The following SNTG1 variants were observed in gnomAD, a reference collection of about 807,000 sequenced individuals.
SNTG1 encodes the protein gamma-1-syntrophin.
Under a neutral mutation model 74.7 loss-of-function variants are expected in SNTG1, and 39 were observed. The ratio of observed to expected loss-of-function variants is 0.52; its 90% CI spans 0.40 to 0.68. The LOEUF is 0.68. SNTG1 is among the 30% of genes least tolerant of loss of function. The pLI, the probability that SNTG1 is intolerant of heterozygous loss-of-function variation, is 0.00. For synonymous variants in SNTG1, 254 were observed against 217.1 expected (o/e 1.17, Z -1.49); for missense variants, 685 against 609.5 (o/e 1.12, Z -1.30).
chr8:50,521,782 T>C (rs1351368180), intron 9 of SNTG1, among the ~76,000 whole-genome samples: 1 of 152,154 alleles, frequency 6.6e-6, no homozygotes, highest in Non-Finnish European at 1.5e-5. Flanking sequence ...TCACCAAGAA[T>C]AGAGTCCATC....
intron 12 of SNTG1, among the ~76,000 whole-genome samples, chr8:50,584,405 C>G (rs1161734163): frequency 1.3e-5 from 2 of 152,098 alleles, no homozygotes; most frequent in Non-Finnish European, 2.9e-5. Context: ...GTTCCTATGT[C>G]TCCACATCCT....
At chr8:50,040,449 G>A (rs10112063) in intron 1 of SNTG1, among the ~76,000 whole-genome samples, 133,242 of 152,208 alleles carry the variant, frequency 0.88, 58,416 homozygotes, top group East Asian at 0.99. Flanking sequence ...TACTTAAACT[G>A]TATATCTTAA....
At chr8:50,631,564 A>G (rs1386766207) in intron 13 of SNTG1, among the ~76,000 whole-genome samples, 2 of 152,222 alleles carry the variant, frequency 1.3e-5, no homozygotes, top group African/African-American at 2.4e-5. Flanking sequence ...GGGGGTGATC[A>G]CATGTTATAT....
At chr8:50,074,509 C>A (rs1821650731) in intron 1 of SNTG1, among the ~76,000 whole-genome samples, 1 of 152,144 alleles carries the variant, frequency 6.6e-6, no homozygotes. Context: ...GATAGAGAAA[C>A]AGCTAGTTGT....
intron 9 of SNTG1, among the ~76,000 whole-genome samples, chr8:50,521,080 T>C (rs937269242): frequency 4.6e-5 from 7 of 152,174 alleles, no homozygotes; most frequent in Admixed American, 1.3e-4. Context: ...CACCATGGAA[T>C]ACTATGCAGC....
At chr8:50,116,475 G>C (rs1246593675) in intron 1 of SNTG1, among the ~76,000 whole-genome samples, 1 of 152,028 alleles carries the variant, frequency 6.6e-6, no homozygotes, top group East Asian at 1.9e-4. Flanking sequence ...AGGAATCCTT[G>C]ACTCTGTGTT....
chr8:50,502,930 A>G (rs759523930), intron 9 of SNTG1, 50 bp downstream of exon 9: 13 of 1,395,038 alleles, frequency 9.3e-6, no homozygotes, highest in Non-Finnish European at 1.3e-5. Flanking sequence ...TTATAGTTAC[A>G]TAATTATTAT....
intron 14 of SNTG1, among the ~76,000 whole-genome samples, chr8:50,657,402 AAAAG>A (rs2095189858): frequency 6.6e-6 from 1 of 152,200 alleles, no homozygotes; most frequent in Non-Finnish European, 1.5e-5. Context: ...AGTGAAATAA[AAAAG>A]AATAAACTGT....
intron 1 of SNTG1, among the ~76,000 whole-genome samples, chr8:49,948,655 G>A (rs1206316379): frequency 2.0e-5 from 3 of 152,074 alleles, no homozygotes; most frequent in African/African-American, 7.3e-5. Context: ...ATTTTCTTTG[G>A]TGCAAAATAT....
chr8:50,082,001 G>A (rs919910964), intron 1 of SNTG1, among the ~76,000 whole-genome samples: 2 of 152,122 alleles, frequency 1.3e-5, no homozygotes, highest in African/African-American at 4.8e-5. Context: ...ATATCATCAA[G>A]TTCATTGATT....
At chr8:50,128,652 C>T (rs1384901987) in intron 1 of SNTG1, among the ~76,000 whole-genome samples, 2 of 151,922 alleles carry the variant, frequency 1.3e-5, no homozygotes, top group Admixed American at 6.6e-5. Context: ...GTTATTGTTT[C>T]TCCCACTTTA....
intron 2 of SNTG1, among the ~76,000 whole-genome samples, chr8:50,230,335 G>A (rs2085551667): frequency 6.6e-6 from 1 of 150,814 alleles, no homozygotes. Context: ...AAACAGAGAA[G>A]ACATAAATTA....
Position 50,301,843 on chromosome 8 carries a change from TTTTCTG to T in SNTG1, c.-27-92365_-27-92360del, listed in dbSNP as rs972083979. Among the ~76,000 whole-genome samples, 25 of 134,426 alleles carry T rather than the reference TTTTCTG, an allele frequency of 1.9e-4. No individual in the cohort carries two copies. In the East Asian group the frequency reaches 2.5e-3, roughly 13 times the overall value. The allele number at this position is 134,426 out of a possible 152,430, so 88.2% of individuals were successfully genotyped here. ...CTGCTCTGTTTTGTTTTTGTTTTTG[TTTTCTG>T]TTTTTGTTTTTTGTTTTTTTTTTTT... is the stretch of plus-strand genomic sequence containing the variant. On this transcript the variant is annotated intron_variant, in intron 2 of 18. Transcript: ENST00000642720.
At chr8:50,695,424 TTAA>T (rs2095401062) in intron 15 of SNTG1, among the ~76,000 whole-genome samples, 1 of 151,940 alleles carries the variant, frequency 6.6e-6, no homozygotes, top group Admixed American at 6.6e-5. Context: ...AGCCAAAATA[TTAA>T]TAATTATTCC....
rs556392751 is a variant in SNTG1, at chr8:50,150,550, T to C, written c.-102-22011T>C. 3.9e-5 allele frequency among the ~76,000 whole-genome samples: 6 copies of C among 152,308 alleles called. No individual in the cohort carries two copies. In the South Asian group the frequency reaches 1.0e-3, roughly 26 times the overall value. On this transcript the variant is annotated intron_variant, in intron 1 of 18. Transcript: ENST00000642720. ...TGGGTTTGTCATAAATAGCTCTTAT[T>C]ATTTTGAGATACGTCCCATTAATAC...
chr8:50,739,642 C>A (rs562348879), intron 17 of SNTG1, among the ~76,000 whole-genome samples: 2 of 151,928 alleles, frequency 1.3e-5, no homozygotes, highest in African/African-American at 2.4e-5. Flanking sequence ...GTGCAGCAAA[C>A]CACCATGGCA....
At chr8:50,273,554 A>T (rs2087906156) in intron 2 of SNTG1, among the ~76,000 whole-genome samples, 1 of 152,228 alleles carries the variant, frequency 6.6e-6, no homozygotes. Flanking sequence ...ATTATGAATA[A>T]AATTGAAAGT....
intron 18 of SNTG1, among the ~76,000 whole-genome samples, chr8:50,790,799 T>C (rs2095688685): frequency 6.6e-6 from 1 of 151,876 alleles, no homozygotes; most frequent in African/African-American, 2.4e-5. Flanking sequence ...ATTGACAAGG[T>C]GGGAGTAATT....
At chr8:50,757,351 GTATGC>G (rs2095583044) in intron 18 of SNTG1, among the ~76,000 whole-genome samples, 1 of 151,682 alleles carries the variant, frequency 6.6e-6, no homozygotes, top group African/African-American at 2.4e-5. Flanking sequence ...TTACATATTT[GTATGC>G]TCTATTATCA....
Sources: allele counts gnomAD v4.1 joint callset (sites outside exome capture counted in the v4.1 genomes callset), GRCh38; gene constraint gnomAD v4.1.1; transcripts MANE v1.5; gene names NCBI Gene and HGNC (gene_info 2026-07-23, HGNC 2026-07-21).